DNM3: variants seen among roughly 807,000 people sequenced by gnomAD.
DNM3 encodes the protein dynamin 3, also known as dynamin-3.
Under a neutral mutation model 101.6 loss-of-function variants are expected in DNM3, and 47 were observed. That is an observed-to-expected ratio of 0.46 (90% CI 0.37 to 0.59). The LOEUF (loss-of-function observed/expected upper bound fraction) is 0.59, where lower values mean the gene tolerates loss of function less well. DNM3 is among the 20% of genes least tolerant of loss of function. The pLI is 0.00. For synonymous variants in DNM3, 385 were observed against 387.9 expected (o/e 0.99, Z 0.09); for missense variants, 849 against 1,085.7 (o/e 0.78, Z 3.06).
At position 172,091,035 on chromosome 1, in the gene DNM3, T is replaced by C. The variant is rs114264255; in HGVS notation, c.1494-1789T>C. ...TTCATGGATCCACCAAAAGAAAGCC[T>C]TTGTCCTTTTGAGGGATAGAGTAAC... On this transcript the variant is annotated intron_variant, in intron 12 of 20. Coordinates refer to ENST00000627582, the MANE Select transcript of DNM3 (RefSeq NM_015569.5). 4.3e-3 allele frequency among the ~76,000 whole-genome samples: 661 copies of C among 152,334 alleles called. 4 individuals are homozygous for C. The highest frequency in any genetic ancestry group is 0.015 in the African/African-American group (640 of 41,576).
rs965499056 is a variant in DNM3, at chr1:172,057,452, G to A, written c.1335+8702G>A. Among the ~76,000 whole-genome samples, 11 of 152,146 alleles carry A rather than the reference G, an allele frequency of 7.2e-5. No homozygotes were observed. In the East Asian group the frequency reaches 9.6e-4, roughly 13 times the overall value. On this transcript the variant is annotated intron_variant, in intron 10 of 20. Coordinates refer to ENST00000627582, the MANE Select transcript of DNM3 (RefSeq NM_015569.5). ...TTAAGGGCAGCCAGAGAGAAAGGTC[G>A]AGTTACCCTCAAAGGGAAGCCCATC...
chr1:171,884,619 T>G (rs953066048), intron 1 of DNM3, among the ~76,000 whole-genome samples: 1 of 152,212 alleles, frequency 6.6e-6, no homozygotes. Context: ...AGGGCTCAGC[T>G]GCTTTCTGAT....
At chr1:172,191,743 GT>G (rs578090823) in intron 14 of DNM3, among the ~76,000 whole-genome samples, 191 of 152,232 alleles carry the variant, frequency 1.3e-3, no homozygotes, top group African/African-American at 4.0e-3. Context: ...TCCCTTGTAA[GT>G]TGGATTCCTA....
At chr1:171,983,644 C>G (rs1437154686) in intron 2 of DNM3, among the ~76,000 whole-genome samples, 1 of 152,160 alleles carries the variant, frequency 6.6e-6, no homozygotes, top group Non-Finnish European at 1.5e-5. Context: ...CATCACTTAC[C>G]TGACTTGAAT....
chr1:172,191,533 T>A (rs1334068959), intron 14 of DNM3, among the ~76,000 whole-genome samples: 3 of 152,144 alleles, frequency 2.0e-5, no homozygotes, highest in African/African-American at 4.8e-5. Flanking sequence ...TTGAAAGTAG[T>A]TTTTTCCAAT....
In DNM3 at chr1:171,870,764, T is replaced by C. The variant is rs540870745; in HGVS notation, c.161+28947T>C. Among the ~76,000 whole-genome samples, 19 of 152,200 alleles carry C rather than the reference T, an allele frequency of 1.2e-4. No individual in the cohort carries two copies. The South Asian group carries it at 3.9e-3, about 32-fold the overall frequency. On this transcript the variant is annotated intron_variant, in intron 1 of 20. Coordinates refer to ENST00000627582, the MANE Select transcript of DNM3 (RefSeq NM_015569.5). ...AGAAAAATAAAATAAAATGCGAAAC[T>C]GAACACAATCAGGTACCCAAACTGC...
intron 1 of DNM3, among the ~76,000 whole-genome samples, chr1:171,905,030 G>C (rs2038702198): frequency 6.6e-6 from 1 of 152,150 alleles, no homozygotes; most frequent in African/African-American, 2.4e-5. Context: ...AGGCATATCT[G>C]ATATTTAGAT....
At chr1:172,039,239 G>A (rs2049186290) in intron 7 of DNM3, among the ~76,000 whole-genome samples, 1 of 152,036 alleles carries the variant, frequency 6.6e-6, no homozygotes, top group Admixed American at 6.6e-5. Context: ...ACACACTGCA[G>A]GATACCCAAG....
At chr1:172,318,356 T>C (rs1004778216) in intron 16 of DNM3, among the ~76,000 whole-genome samples, 30 of 152,098 alleles carry the variant, frequency 2.0e-4, no homozygotes, top group Admixed American at 3.9e-4. Context: ...TCACCACTCC[T>C]ATTCAACATA....
intron 15 of DNM3, 60 bp from the exon 16 acceptor site, chr1:172,308,668 T>C: frequency 1.1e-6 from 1 of 872,026 alleles, no homozygotes; most frequent in Non-Finnish European, 1.6e-6. Context: ...TACAGCAACA[T>C]AAAATGACTT....
At chr1:172,354,913 A>G (rs2067374320) in intron 17 of DNM3, among the ~76,000 whole-genome samples, 2 of 152,190 alleles carry the variant, frequency 1.3e-5, no homozygotes, top group Non-Finnish European at 2.9e-5. Context: ...CTACACCTTC[A>G]GTGAAAATGG....
chr1:172,258,664 C>A (rs1490629875), intron 15 of DNM3, among the ~76,000 whole-genome samples: 1 of 151,854 alleles, frequency 6.6e-6, no homozygotes, highest in African/African-American at 2.4e-5. Flanking sequence ...TTACGATTGT[C>A]TTATTGATTT....
At chr1:171,973,080 A>G (rs1188765265) in intron 2 of DNM3, among the ~76,000 whole-genome samples, 1 of 152,208 alleles carries the variant, frequency 6.6e-6, no homozygotes, top group African/African-American at 2.4e-5. Context: ...AGTAGGAGAT[A>G]TGATTCCTAT....
chr1:172,234,607 G>A (rs1218113434), intron 14 of DNM3, among the ~76,000 whole-genome samples: 4 of 151,906 alleles, frequency 2.6e-5, no homozygotes, highest in African/African-American at 7.3e-5. Flanking sequence ...CAAAGCTGGA[G>A]GCATCACGCT....
At chr1:172,212,420 C>G (rs1207609035) in intron 14 of DNM3, among the ~76,000 whole-genome samples, 2 of 152,150 alleles carry the variant, frequency 1.3e-5, no homozygotes, top group Non-Finnish European at 2.9e-5. Flanking sequence ...ATGTCTTTTA[C>G]TGTGGTGCAG....
At position 171,915,888 on chromosome 1, in the gene DNM3, A is replaced by C. The variant is rs76983986; in HGVS notation, c.162-5860A>C. Among the ~76,000 whole-genome samples the C allele has an allele frequency of 2.9e-3, 449 of 152,258 alleles. 4 individuals are homozygous for C. The highest frequency in any genetic ancestry group is 0.01 in the African/African-American group (430 of 41,560). On this transcript the variant is annotated intron_variant, in intron 1 of 20. Transcript: ENST00000627582. Reference sequence around the variant, plus strand: ...TCCACTTCTTTCAGGTACCCATTAAATGTTGGTATTTCTGAGAGTCCATAT... The same window carrying C: ...TCCACTTCTTTCAGGTACCCATTAACTGTTGGTATTTCTGAGAGTCCATAT...
intron 20 of DNM3, among the ~76,000 whole-genome samples, chr1:172,399,016 A>G (rs2070250907): frequency 6.6e-6 from 1 of 152,220 alleles, no homozygotes; most frequent in Non-Finnish European, 1.5e-5. Context: ...AACACTGTCC[A>G]AAATGGAAAG....
At chr1:172,009,124 T>TATATATTTATATTATATATCATATA (rs1395579344) in intron 4 of DNM3, among the ~76,000 whole-genome samples, 13 of 134,070 alleles carry the variant, frequency 9.7e-5, no homozygotes, top group African/African-American at 3.6e-4. Context: ...TATCATATAA[T>TATATATTTATATTATATATCATATA]ATATATATTT....
chr1:172,406,391 A>ATTCAAGG (rs1193476163), intron 20 of DNM3, among the ~76,000 whole-genome samples: 3 of 152,036 alleles, frequency 2.0e-5, no homozygotes, highest in Non-Finnish European at 4.4e-5. Context: ...CAGATTCAAG[A>ATTCAAGG]TTCAGGACAT....
Sources: gnomAD v4.1 joint callset for allele counts (sites outside exome capture counted in the v4.1 genomes callset) on GRCh38, gnomAD v4.1.1 for gene constraint, MANE v1.5 for transcripts, NCBI Gene and HGNC (gene_info 2026-07-23, HGNC 2026-07-21) for gene names.